SUCLA2: variants seen among roughly 807,000 people sequenced by gnomAD.
SUCLA2 encodes the protein succinate--CoA ligase [ADP-forming] subunit beta, mitochondrial.
A neutral mutation model predicts 54.8 loss-of-function variants in SUCLA2; 30 were observed. The observed-to-expected ratio is 0.55, with a 90% CI of 0.41 to 0.74. The LOEUF (loss-of-function observed/expected upper bound fraction) is 0.74, where lower values mean the gene tolerates loss of function less well. SUCLA2 is among the 30% of genes least tolerant of loss of function. The pLI, the probability that SUCLA2 is intolerant of heterozygous loss-of-function variation, is 0.00. For missense variants in SUCLA2, 476 were observed against 562.9 expected (o/e 0.85, Z 1.56); for synonymous variants, 172 against 188.9 (o/e 0.91, Z 0.74).
chr13:47,989,437 T>C (rs1593501074), intron 2 of SUCLA2, among the ~76,000 whole-genome samples: 1 of 152,252 alleles, frequency 6.6e-6, no homozygotes, highest in East Asian at 1.9e-4. Flanking sequence ...GGTCTCGATC[T>C]CCTGACCTCA....
chr13:47,975,415 T>C (rs999852716), intron 4 of SUCLA2, among the ~76,000 whole-genome samples: 1 of 151,978 alleles, frequency 6.6e-6, no homozygotes, highest in African/African-American at 2.4e-5. Flanking sequence ...CCTCCCAAAG[T>C]GCTGGGATTA....
chr13:48,000,884 C>T (rs1593508404), intron 1 of SUCLA2: 1 of 1,277,768 alleles, frequency 7.8e-7, no homozygotes, highest in Non-Finnish European at 9.9e-7. Context: ...GTCCTGACCC[C>T]CTCACCTCCA....
chr13:47,981,023 T>C (rs901442088), intron 4 of SUCLA2, among the ~76,000 whole-genome samples: 1 of 152,108 alleles, frequency 6.6e-6, no homozygotes, highest in Non-Finnish European at 1.5e-5. Context: ...AAAAAGTTTA[T>C]GACATTGGAT....
At chr13:47,976,505 T>C (rs1403539847) in intron 4 of SUCLA2, among the ~76,000 whole-genome samples, 1 of 152,274 alleles carries the variant, frequency 6.6e-6, no homozygotes, top group African/African-American at 2.4e-5. Context: ...TCTCAACTGA[T>C]ATGGGTGCTG....
At chr13:47,954,600 G>C (rs372130325) in intron 6 of SUCLA2, 43 bp from the exon 7 acceptor site, 4 of 1,598,832 alleles carry the variant, frequency 2.5e-6, no homozygotes, top group African/African-American at 2.7e-5. Flanking sequence ...TTTCAAGACA[G>C]ATACAATAAA....
intron 10 of SUCLA2, among the ~76,000 whole-genome samples, chr13:47,944,318 C>A (rs987237694): frequency 2.6e-5 from 4 of 152,242 alleles, no homozygotes; most frequent in Non-Finnish European, 5.9e-5. Context: ...CTGCTAATAT[C>A]ATCATCATCT....
intron 4 of SUCLA2, 65 bp downstream of exon 4, chr13:47,988,476 T>C (rs1950122642): frequency 6.4e-7 from 1 of 1,556,930 alleles, no homozygotes; most frequent in Non-Finnish European, 8.8e-7. Context: ...ATAGAAACAA[T>C]AATGGACTTT....
chr13:47,983,919 T>C (rs1024687438), intron 4 of SUCLA2, among the ~76,000 whole-genome samples: 1 of 151,868 alleles, frequency 6.6e-6, no homozygotes, highest in African/African-American at 2.4e-5. Flanking sequence ...CAACAATTGG[T>C]TATAAGTTAG....
At chr13:47,996,784 C>T in intron 2 of SUCLA2, 59 bp downstream of exon 2, 1 of 1,552,542 alleles carries the variant, frequency 6.4e-7, no homozygotes, top group Admixed American at 1.8e-5. Context: ...CAAAAACAAA[C>T]TTCAAATCTT....
rs897773339 is a variant in SUCLA2, at chr13:48,000,985, G to C, written c.90+195C>G. 13 of 1,443,714 alleles carry C rather than the reference G, an allele frequency of 9.0e-6. No individual in the cohort carries two copies. In the African/African-American group the frequency reaches 1.6e-4, roughly 17 times the overall value. The allele number at this position is 1,443,714 out of a possible 1,614,324, so 89.4% of individuals were successfully genotyped here. A position where few individuals can be genotyped will look rare whatever the true frequency, so the allele number is the denominator to read the frequency against. ...GGGATCCTCGCGGACTAAGGGCTGGGTCAGAGCCGCGCAAACATGGGCTCG... is the reference window on the plus strand; with the variant it reads ...GGGATCCTCGCGGACTAAGGGCTGGCTCAGAGCCGCGCAAACATGGGCTCG... On this transcript the variant is annotated intron_variant, in intron 1 of 10. Transcript: ENST00000646932.
Position 47,954,205 on chromosome 13 carries a change from C to T in SUCLA2, c.1042G>A (p.Val348Ile). Residue 348 changes from valine (V) to isoleucine (I), a missense_variant, in exon 8 of 11, where the codon GTT (valine) becomes ATT (isoleucine). This residue lies in a region of SUCLA2 where 342 missense variants were observed against 444.2 expected (regional missense o/e 0.77). Coordinates refer to ENST00000646932, the MANE Select transcript of SUCLA2 (RefSeq NM_003850.3). ...TGATGGACTGTAGCACCACCACCAA[C>T]ATCAAGGAAGTTGGCTGGAGTCCCT... The part of the protein sequence containing the change: ...HGGTPANFLD[V>I]GGGATVHQVT... 6.2e-7 allele frequency: 1 copy of T among 1,613,906 alleles called. No homozygotes were observed. Among genetic ancestry groups the T allele is most frequent in the East Asian group, 2.2e-5 (1 of 44,880 alleles).
rs1260874839 is a variant in SUCLA2 at position 47,988,661 on chromosome 13, T to C, written c.414A>G (p.Lys138=). The C allele has an allele frequency of 6.2e-7, 1 of 1,613,846 alleles. No individual in the cohort carries two copies. Among genetic ancestry groups the C allele is most frequent in the Non-Finnish European group, 8.5e-7 (1 of 1,179,954 alleles). ...CTCCCGTTTGCTTGGTAAACAATTT[T>C]TTCCCAATCATTTGTGAAGAAACAG... ...AKAVSSQMIG[K]KLFTKQTGEK... Residue 138 remains lysine, a synonymous_variant, in exon 4 of 11, where the codon AAA becomes AAG. Coordinates refer to ENST00000646932, the MANE Select transcript of SUCLA2 (RefSeq NM_003850.3).
chr13:47,974,896 G>A (rs1017136370), intron 4 of SUCLA2, among the ~76,000 whole-genome samples: 55 of 151,976 alleles, frequency 3.6e-4, no homozygotes, highest in Non-Finnish European at 6.8e-4. Flanking sequence ...GTAGTGTTAC[G>A]TATGAAAAAA....
chr13:47,976,879 G>T (rs147513136), intron 4 of SUCLA2, among the ~76,000 whole-genome samples: 1 of 151,858 alleles, frequency 6.6e-6, no homozygotes, highest in Admixed American at 6.6e-5. Flanking sequence ...CAGAATTTCA[G>T]ATTTGGGATG....
intron 8 of SUCLA2, among the ~76,000 whole-genome samples, chr13:47,949,991 T>C (rs544863959): frequency 2.0e-5 from 3 of 152,352 alleles, no homozygotes; most frequent in Admixed American, 6.5e-5. Context: ...CATTTCCTCA[T>C]TTATCCCTGT....
intron 4 of SUCLA2, among the ~76,000 whole-genome samples, chr13:47,984,893 G>A (rs1950088781): frequency 6.6e-6 from 1 of 152,168 alleles, no homozygotes; most frequent in African/African-American, 2.4e-5. Context: ...AATTGACACA[G>A]GAAAATGTCC....
chr13:47,948,944 C>T lies in SUCLA2; in HGVS notation c.1313G>A (p.Arg438Lys), dbSNP rs980385635. ...AGATGAACATGGCCAATTTACCATTCTAGCAGCTTCATCCAAGTCATCACA... is the reference window on the plus strand; with the variant it reads ...AGATGAACATGGCCAATTTACCATTTTAGCAGCTTCATCCAAGTCATCACA... Reference protein sequence around the residue: ...LACDDLDEAARMVVKLSEIVT... With the variant: ...LACDDLDEAAKMVVKLSEIVT... Residue 438 changes from arginine to lysine, a missense_variant, in exon 10 of 11, where the codon AGA becomes AAA. By Grantham distance (26) the Arg-to-Lys change is conservative (BLOSUM62 2). This residue lies in a region of SUCLA2 where 342 missense variants were observed against 444.2 expected (regional missense o/e 0.77). Transcript: ENST00000646932. 1 of 1,613,744 alleles carries T rather than the reference C, an allele frequency of 6.2e-7. No homozygotes were observed. Among genetic ancestry groups the T allele is most frequent in the Non-Finnish European group, 8.5e-7 (1 of 1,179,734 alleles).
chr13:47,983,767 G>C (rs949484946), intron 4 of SUCLA2, among the ~76,000 whole-genome samples: 35 of 152,130 alleles, frequency 2.3e-4, no homozygotes, highest in Non-Finnish European at 5.1e-4. Flanking sequence ...GGGATTACAG[G>C]TGTGAGCCAC....
Position 47,968,728 on chromosome 13 carries a change from T to C in SUCLA2, c.669A>G (p.Ala223=), listed in dbSNP as rs1224072220. The part of the protein sequence containing the change: ...GIKKEQALQL[A]QKMGFPPNIV... Reference sequence around the variant, plus strand: ...TATTAGGTGGAAATCCCATCTTCTGTGCAAGCTGAAATCAATATGTCTTTT... The same window carrying C: ...TATTAGGTGGAAATCCCATCTTCTGCGCAAGCTGAAATCAATATGTCTTTT... The change falls in exon 6 of 11, where the codon GCA becomes GCG. Residue 223 remains alanine, a synonymous_variant. Coordinates refer to ENST00000646932, the MANE Select transcript of SUCLA2 (RefSeq NM_003850.3). 2 of 1,612,518 alleles carry C rather than the reference T, an allele frequency of 1.2e-6. No individual in the cohort carries two copies. The highest frequency in any genetic ancestry group is 2.2e-5 in the East Asian group (1 of 44,808).
Sources: gnomAD v4.1 joint callset for allele counts (sites outside exome capture counted in the v4.1 genomes callset) on GRCh38, gnomAD v4.1.1 for gene constraint, gnomAD v4.1.1 regional missense constraint, MANE v1.5 for transcripts, NCBI Gene and HGNC (gene_info 2026-07-23, HGNC 2026-07-21) for gene names.